TAFA5: variants seen among roughly 807,000 people sequenced by gnomAD.
The protein encoded by TAFA5 is TAFA chemokine like family member 5, also known as chemokine-like protein TAFA-5.
TAFA5 carries 6 observed loss-of-function variants against 15.3 expected under a neutral mutation model. That is an observed-to-expected ratio of 0.39 (90% CI 0.21 to 0.77). The LOEUF (loss-of-function observed/expected upper bound fraction) is 0.77. TAFA5 is among the 30% of genes least tolerant of loss of function. TAFA5 has a pLI of 0.41. For missense variants in TAFA5, 161 were observed against 193.1 expected, an observed-to-expected ratio of 0.83 and a Z score of 0.98; for synonymous variants, 103 against 80.7, an observed-to-expected ratio of 1.28 and a Z score of -1.48.
chr22:48,687,668 A>G (rs1928406195), intron 2 of TAFA5, among the ~76,000 whole-genome samples: 1 of 151,010 alleles, frequency 6.6e-6, no homozygotes, highest in South Asian at 2.1e-4. Flanking sequence ...ATCCCTGGGA[A>G]CTCTCCCCTC....
chr22:48,569,548 G>T (rs1367189179), intron 1 of TAFA5, among the ~76,000 whole-genome samples: 1 of 152,124 alleles, frequency 6.6e-6, no homozygotes, highest in Non-Finnish European at 1.5e-5. Flanking sequence ...GAGCACCATG[G>T]TCCCTCCTCA....
Position 48,646,879 on chromosome 22 carries a change from G to T in TAFA5, c.262+133G>T, listed in dbSNP as rs575825954. The T allele has an allele frequency of 7.8e-6, 9 of 1,157,404 alleles. No individual in the cohort carries two copies. In the Admixed American group the frequency reaches 2.1e-4, roughly 27 times the overall value. The allele number at this position is 1,157,404 out of a possible 1,614,324, so 71.7% of individuals were successfully genotyped here. ...GCATCCTCGGGTCAGGCCCCTGGCT[G>T]TTGGCACAGCTGTTCCCATGGATGG... On this transcript the variant is annotated intron_variant, in intron 2 of 3. Coordinates refer to ENST00000402357, the MANE Select transcript of TAFA5 (RefSeq NM_001082967.3).
intron 2 of TAFA5, among the ~76,000 whole-genome samples, chr22:48,697,574 G>A (rs1928755114): frequency 6.7e-6 from 1 of 149,724 alleles, no homozygotes; most frequent in Non-Finnish European, 1.5e-5. Flanking sequence ...GTAGTATGAC[G>A]GTGATAATGA....
intron 1 of TAFA5, among the ~76,000 whole-genome samples, chr22:48,597,286 A>G (rs970516732): frequency 6.6e-6 from 1 of 151,938 alleles, no homozygotes; most frequent in Non-Finnish European, 1.5e-5. Context: ...CCCGGGCCTC[A>G]GTTTCCCTGC....
intron 1 of TAFA5, among the ~76,000 whole-genome samples, chr22:48,633,546 C>CTCTG (rs1555894471): frequency 2.0e-5 from 3 of 150,502 alleles, no homozygotes; most frequent in South Asian, 2.1e-4. Flanking sequence ...CTCCCTCTCT[C>CTCTG]TCTCTCTCTC....
chr22:48,498,824 C>T (rs1014858139), intron 1 of TAFA5, among the ~76,000 whole-genome samples: 4 of 152,206 alleles, frequency 2.6e-5, no homozygotes. Flanking sequence ...CCTGCTCTAG[C>T]GCACCTATAC....
intron 2 of TAFA5, among the ~76,000 whole-genome samples, chr22:48,697,941 T>C (rs1404235991): frequency 6.8e-6 from 1 of 147,476 alleles, no homozygotes; most frequent in African/African-American, 2.5e-5. Flanking sequence ...TGATGATGTG[T>C]GATGGTGAGG....
chr22:48,705,296 C>T (rs28643288), intron 2 of TAFA5, among the ~76,000 whole-genome samples: 41,283 of 151,990 alleles, frequency 0.27, 5,782 homozygotes, highest in African/African-American at 0.31. Flanking sequence ...CGTCCTCTGC[C>T]GTGGGTGCTG....
chr22:48,522,918 G>T (rs1033385756), intron 1 of TAFA5, among the ~76,000 whole-genome samples: 1 of 152,250 alleles, frequency 6.6e-6, no homozygotes, highest in African/African-American at 2.4e-5. Context: ...GGGACTAGAG[G>T]GTGGGGCTGC....
chr22:48,746,905 C>T (rs1930344408), intron 3 of TAFA5, among the ~76,000 whole-genome samples: 1 of 152,188 alleles, frequency 6.6e-6, no homozygotes, highest in African/African-American at 2.4e-5. Context: ...GGCAGCTCAC[C>T]AGCCTGATGG....
chr22:48,745,032 G>T (rs111676730), intron 3 of TAFA5, among the ~76,000 whole-genome samples: 1 of 152,132 alleles, frequency 6.6e-6, no homozygotes, highest in Admixed American at 6.5e-5. Flanking sequence ...CTGGGATTAC[G>T]GGCGTGAGCC....
intron 1 of TAFA5, among the ~76,000 whole-genome samples, chr22:48,602,300 C>G (rs977851645): frequency 3.3e-5 from 5 of 152,372 alleles, no homozygotes; most frequent in Middle Eastern, 3.4e-3. Context: ...GCCACCCCCC[C>G]ACAAGCACAC....
chr22:48,546,814 G>C (rs960250915), intron 1 of TAFA5: 7 of 339,092 alleles, frequency 2.1e-5, no homozygotes, highest in African/African-American at 1.5e-4. Flanking sequence ...CACCGGCTCT[G>C]GTCACTTCCA....
At chr22:48,559,052 C>T (rs983535489) in intron 1 of TAFA5, among the ~76,000 whole-genome samples, 1 of 152,172 alleles carries the variant, frequency 6.6e-6, no homozygotes, top group Non-Finnish European at 1.5e-5. Context: ...AGGAAAGAGG[C>T]GTGAGGGAGG....
rs1165680194 is a variant in TAFA5 at position 48,657,469 on chromosome 22, G to T, written c.262+10723G>T. Reference sequence around the variant, plus strand: ...AACGCTTAAAGAAAAATTAACACTGGATCTTCTAAAGCTCTTCCAAAAAAT... The same window carrying T: ...AACGCTTAAAGAAAAATTAACACTGTATCTTCTAAAGCTCTTCCAAAAAAT... On this transcript the variant is annotated intron_variant, in intron 2 of 3. Transcript: ENST00000402357. Among the ~76,000 whole-genome samples the T allele has an allele frequency of 1.3e-5, 2 of 152,140 alleles. 1 individual carries two copies. Among genetic ancestry groups the T allele is most frequent in the South Asian group, 4.1e-4 (2 of 4,826 alleles).
In TAFA5 at chr22:48,646,657, G is replaced by A. The variant is rs766267088; in HGVS notation, c.173G>A (p.Arg58Gln). ...VTLDRDSSQP[R>Q]RTIARQTARC... ...TTGGACCGGGACAGCAGCCAGCCTC[G>A]GAGGACGATCGCCCGGCAGACCGCC... Residue 58 changes from arginine (R) to glutamine (Q), a missense_variant, in exon 2 of 4, where the codon CGG becomes CAG. Physicochemically the swap from Arg to Gln is conservative, Grantham distance 43. Coordinates refer to ENST00000402357, the MANE Select transcript of TAFA5 (RefSeq NM_001082967.3). 175 of 1,612,212 alleles carry A rather than the reference G, an allele frequency of 1.1e-4. No individual in the cohort carries two copies. The highest frequency in any genetic ancestry group is 1.4e-4 in the Non-Finnish European group (169 of 1,179,772).
chr22:48,583,609 AC>A (rs2147149345), intron 1 of TAFA5, among the ~76,000 whole-genome samples: 1 of 151,514 alleles, frequency 6.6e-6, no homozygotes, highest in Non-Finnish European at 1.5e-5. Flanking sequence ...CACACACCAC[AC>A]CCCACACACG....
chr22:48,576,528 C>A, intron 1 of TAFA5: 1 of 1,516,432 alleles, frequency 6.6e-7, no homozygotes, highest in South Asian at 1.3e-5. Flanking sequence ...CCGCGCTCTG[C>A]TGCTTCCTCG....
At chr22:48,586,563 C>T (rs1301530219) in intron 1 of TAFA5, among the ~76,000 whole-genome samples, 5 of 152,210 alleles carry the variant, frequency 3.3e-5, no homozygotes, top group African/African-American at 1.2e-4. Flanking sequence ...AAGTGCTGGG[C>T]GTGTCTGTGG....
Sources: gnomAD v4.1 joint callset for allele counts (sites outside exome capture counted in the v4.1 genomes callset) on GRCh38, gnomAD v4.1.1 for gene constraint, MANE v1.5 for transcripts, NCBI Gene and HGNC (gene_info 2026-07-23, HGNC 2026-07-21) for gene names.